Variants in SYCP1 observed in about 807,000 individuals in gnomAD.
SYCP1 encodes the protein cancer/testis antigen 8.
SYCP1 carries 64 observed loss-of-function variants against 153.1 expected under a neutral mutation model. That is an observed-to-expected ratio of 0.42 (90% CI 0.34 to 0.51). The LOEUF is 0.51. Ranked by LOEUF, SYCP1 falls within the 20% of genes least tolerant of loss-of-function variation. The probability of loss-of-function intolerance (pLI) is 0.06; values close to 1 mark genes in which losing one functional copy is unlikely to be tolerated. For missense variants in SYCP1, 997 were observed against 1,049.0 expected (o/e 0.95, Z 0.68); for synonymous variants, 384 against 341.8 (o/e 1.12, Z -1.36).
chr1:114,931,585 C>T (rs1247631601), intron 23 of SYCP1, among the ~76,000 whole-genome samples: 1 of 151,954 alleles, frequency 6.6e-6, no homozygotes, highest in African/African-American at 2.4e-5. Context: ...TGAAAGAAGA[C>T]CTAAGTAAAT....
rs748920660 is a variant in SYCP1, at chr1:114,876,146, T to C, written c.727+8T>C. On this transcript the variant is annotated splice_region_variant and intron_variant, in intron 10 of 31. Transcript: ENST00000369522. ...TGGAAATGCATTTTAAGTGTAGGTA[T>C]AGGGATCTTACTTAATTTTTATATT... 9 of 1,529,270 alleles carry C rather than the reference T, an allele frequency of 5.9e-6. No individual in the cohort carries two copies. In the South Asian group the frequency reaches 1.2e-4, roughly 20 times the overall value. 94.7% of individuals were successfully genotyped at this position (1,529,270 alleles called of 1,614,324 possible). A position where few individuals can be genotyped will look rare whatever the true frequency, so the allele number is the denominator to read the frequency against.
intron 13 of SYCP1, 80 bp from the exon 14 acceptor site, chr1:114,886,042 GAAT>G: frequency 2.3e-6 from 2 of 862,282 alleles, no homozygotes; most frequent in Non-Finnish European, 3.5e-6. Flanking sequence ...AAGGGGCAGT[GAAT>G]GTATAGAAGC....
At chr1:114,942,146 A>T (rs1056960858) in intron 23 of SYCP1, among the ~76,000 whole-genome samples, 1 of 152,104 alleles carries the variant, frequency 6.6e-6, no homozygotes, top group Non-Finnish European at 1.5e-5. Context: ...TATTAAAAGT[A>T]TCTGGAGAGA....
At chr1:114,897,056 C>T (rs562916653) in intron 16 of SYCP1, among the ~76,000 whole-genome samples, 1 of 152,294 alleles carries the variant, frequency 6.6e-6, no homozygotes, top group East Asian at 1.9e-4. Context: ...AGCCTGTCCT[C>T]CCAGTGCACA....
chr1:114,957,578 C>T (rs1270756654), intron 27 of SYCP1, among the ~76,000 whole-genome samples: 1 of 152,080 alleles, frequency 6.6e-6, no homozygotes, highest in Non-Finnish European at 1.5e-5. Flanking sequence ...ATATAAGAAA[C>T]TCAAACAATT....
chr1:114,991,905 G>A (rs186847163), intron 30 of SYCP1, among the ~76,000 whole-genome samples: 165 of 151,852 alleles, frequency 1.1e-3, no homozygotes, highest in Non-Finnish European at 1.9e-3. Flanking sequence ...AGAAAATTGC[G>A]AAGACTCTTT....
intron 16 of SYCP1, among the ~76,000 whole-genome samples, chr1:114,903,768 G>A (rs1161554163): frequency 6.6e-6 from 1 of 152,134 alleles, no homozygotes; most frequent in African/African-American, 2.4e-5. Context: ...GAGAGATGAT[G>A]GTGGCTTAGT....
intron 29 of SYCP1, among the ~76,000 whole-genome samples, chr1:114,983,065 ATATGTG>A (rs1673269534): frequency 6.6e-6 from 1 of 151,976 alleles, no homozygotes; most frequent in African/African-American, 2.4e-5. Flanking sequence ...GGTCTCTATT[ATATGTG>A]TATAAGGGCA....
intron 23 of SYCP1, among the ~76,000 whole-genome samples, chr1:114,936,191 AAGCTT>A (rs1669997233): frequency 6.6e-6 from 1 of 152,150 alleles, no homozygotes. Context: ...GCACATCACA[AAGCTT>A]ATCCACCACA....
At chr1:114,967,909 GT>G (rs1672241191) in intron 27 of SYCP1, among the ~76,000 whole-genome samples, 1 of 152,130 alleles carries the variant, frequency 6.6e-6, no homozygotes, top group Non-Finnish European at 1.5e-5. Context: ...TTGCTTGTCT[GT>G]AAAGGATTTT....
intron 27 of SYCP1, among the ~76,000 whole-genome samples, chr1:114,976,458 C>T (rs1404033370): frequency 6.6e-6 from 1 of 151,730 alleles, no homozygotes; most frequent in South Asian, 2.1e-4. Context: ...TGTTTCATAC[C>T]TTGGAAACAT....
rs1179665739 is a variant in SYCP1 at position 114,927,322 on chromosome 1, C to T, written c.1926+759C>T. ...AAGGAGAAAGGTACAAAAATATTCA[C>T]AGCAACATTCTTTGTATTATCCCCA... On this transcript the variant is annotated intron_variant, in intron 23 of 31. Transcript: ENST00000369522. 4.6e-5 allele frequency among the ~76,000 whole-genome samples: 7 copies of T among 152,186 alleles called. No individual in the cohort carries two copies. The East Asian group carries it at 1.4e-3, about 29-fold the overall frequency.
chr1:114,967,273 G>T (rs1006045304), intron 27 of SYCP1, among the ~76,000 whole-genome samples: 1 of 152,142 alleles, frequency 6.6e-6, no homozygotes, highest in Non-Finnish European at 1.5e-5. Flanking sequence ...TGACAGTGGA[G>T]TGTTAAAGTT....
intron 23 of SYCP1, among the ~76,000 whole-genome samples, chr1:114,940,373 A>C (rs1348887573): frequency 6.6e-6 from 1 of 152,190 alleles, no homozygotes; most frequent in Non-Finnish European, 1.5e-5. Context: ...CTGAGGTTAC[A>C]GGTGTGAGCC....
At chr1:114,868,710 A>G (rs924440126) in intron 8 of SYCP1, among the ~76,000 whole-genome samples, 1 of 152,124 alleles carries the variant, frequency 6.6e-6, no homozygotes, top group Non-Finnish European at 1.5e-5. Flanking sequence ...GTTATTAATT[A>G]TTGACTTAAT....
chr1:114,941,022 T>C (rs1293916230), intron 23 of SYCP1, among the ~76,000 whole-genome samples: 1 of 152,198 alleles, frequency 6.6e-6, no homozygotes, highest in Non-Finnish European at 1.5e-5. Context: ...TTTATGTGTA[T>C]AGTTGTTCCC....
At chr1:114,967,200 C>T (rs551874680) in intron 27 of SYCP1, among the ~76,000 whole-genome samples, 25 of 152,184 alleles carry the variant, frequency 1.6e-4, no homozygotes, top group South Asian at 6.2e-4. Context: ...CTGTTTGGTC[C>T]GGAGCTGAGT....
At chr1:114,857,369 T>A in intron 4 of SYCP1, 75 bp from the exon 5 acceptor site, 2 of 1,515,936 alleles carry the variant, frequency 1.3e-6, no homozygotes, top group African/African-American at 1.4e-5. Context: ...GCATTACTAG[T>A]CTTCTGTATT....
At chr1:114,898,472 C>G (rs545945762) in intron 16 of SYCP1, among the ~76,000 whole-genome samples, 2 of 152,102 alleles carry the variant, frequency 1.3e-5, no homozygotes, top group Non-Finnish European at 2.9e-5. Flanking sequence ...GAATATTGAT[C>G]CAGATTTTTA....
Sources: gnomAD v4.1 joint callset for allele counts (sites outside exome capture counted in the v4.1 genomes callset) on GRCh38, gnomAD v4.1.1 for gene constraint, MANE v1.5 for transcripts, NCBI Gene and HGNC (gene_info 2026-07-23, HGNC 2026-07-21) for gene names.